The following NTNG1 variants were observed in gnomAD, a reference collection of about 807,000 sequenced individuals.
NTNG1 encodes the protein netrin G1, also known as netrin-G1.
A neutral mutation model predicts 54.0 loss-of-function variants in NTNG1; 16 were observed. The observed-to-expected ratio is 0.30, with a 90% confidence interval of 0.20 to 0.45. The LOEUF (loss-of-function observed/expected upper bound fraction) is 0.45. Among genes scored for constraint, NTNG1 ranks in the 20% least tolerant of loss-of-function variants. The pLI is 1.00. For missense variants in NTNG1, 530 were observed against 678.7 expected (o/e 0.78, Z 2.43); for synonymous variants, 255 against 263.1 (o/e 0.97, Z 0.30).
At chr1:107,292,471 A>G (rs1396633298) in intron 2 of NTNG1, among the ~76,000 whole-genome samples, 2 of 152,174 alleles carry the variant, frequency 1.3e-5, no homozygotes, top group Non-Finnish European at 2.9e-5. Flanking sequence ...CGTGATGGTC[A>G]GGCAGTTGTT....
chr1:107,448,804 A>G lies in NTNG1; in HGVS notation c.1390+12005A>G, dbSNP rs539938266. 2.0e-5 allele frequency among the ~76,000 whole-genome samples: 3 copies of G among 152,246 alleles called. No homozygotes were observed. In the South Asian group the frequency reaches 6.2e-4, roughly 32 times the overall value. The stretch of plus-strand genomic sequence containing the variant: ...TTCTACGAATCCAAATCATATTAAA[A>G]TAAGAAAAACCATGAAAACTTAAAC... On this transcript the variant is annotated intron_variant, in intron 7 of 7. Coordinates refer to ENST00000370068, the MANE Select transcript of NTNG1 (RefSeq NM_001113226.3).
At chr1:107,433,377 C>G (rs1557996121) in intron 6 of NTNG1, among the ~76,000 whole-genome samples, 1 of 152,064 alleles carries the variant, frequency 6.6e-6, no homozygotes, top group Non-Finnish European at 1.5e-5. Context: ...AACCACATCT[C>G]TACTGAAAGA....
At chr1:107,436,832 T>G in intron 7 of NTNG1, 33 bp downstream of exon 7, 1 of 1,607,450 alleles carries the variant, frequency 6.2e-7, no homozygotes, top group African/African-American at 1.3e-5. Context: ...CTCTGCCTGC[T>G]GCAGCATGGC....
intron 3 of NTNG1, among the ~76,000 whole-genome samples, chr1:107,360,409 T>C (rs1415910087): frequency 6.6e-6 from 1 of 151,728 alleles, no homozygotes; most frequent in Non-Finnish European, 1.5e-5. Context: ...AAACAGTGAG[T>C]GTAAAGACCC....
intron 2 of NTNG1, among the ~76,000 whole-genome samples, chr1:107,283,980 T>C (rs1358711962): frequency 6.6e-6 from 1 of 152,222 alleles, no homozygotes; most frequent in Admixed American, 6.5e-5. Flanking sequence ...AAATGCTGTC[T>C]CTTCAGAATA....
intron 3 of NTNG1, among the ~76,000 whole-genome samples, chr1:107,327,607 G>A (rs1328950349): frequency 4.7e-5 from 7 of 150,206 alleles, no homozygotes; most frequent in Non-Finnish European, 8.9e-5. Context: ...CCTTGCACCC[G>A]CCCCCACCAT....
At chr1:107,295,096 A>G (rs565182786) in intron 2 of NTNG1, among the ~76,000 whole-genome samples, 2 of 152,332 alleles carry the variant, frequency 1.3e-5, no homozygotes, top group Non-Finnish European at 2.9e-5. Context: ...TTCTGATATC[A>G]GAAGGTGGTT....
chr1:107,248,089 C>A (rs1662319325), intron 2 of NTNG1, among the ~76,000 whole-genome samples: 2 of 152,102 alleles, frequency 1.3e-5, no homozygotes, highest in South Asian at 4.2e-4. Context: ...TGCCAACATG[C>A]CATTCTATTT....
chr1:107,464,750 TTC>T (rs1677496922), intron 7 of NTNG1, among the ~76,000 whole-genome samples: 1 of 152,198 alleles, frequency 6.6e-6, no homozygotes, highest in Admixed American at 6.5e-5. Flanking sequence ...AGAATCTGCC[TTC>T]CACCCTCCTG....
At chr1:107,382,764 CCTCT>C (rs138605469) in intron 3 of NTNG1, among the ~76,000 whole-genome samples, 23 of 149,198 alleles carry the variant, frequency 1.5e-4, no homozygotes, top group South Asian at 8.5e-4. Context: ...TTTCCCTTTT[CCTCT>C]CTCTCTCTCT....
intron 3 of NTNG1, among the ~76,000 whole-genome samples, chr1:107,346,795 A>G (rs2101943718): frequency 6.7e-6 from 1 of 149,338 alleles, no homozygotes; most frequent in East Asian, 2.0e-4. Context: ...TTGTATATGC[A>G]TTTGTGAAGA....
chr1:107,302,565 A>T (rs538951545), intron 2 of NTNG1, among the ~76,000 whole-genome samples: 8 of 151,838 alleles, frequency 5.3e-5, no homozygotes, highest in Non-Finnish European at 7.4e-5. Context: ...AAAGATGTAC[A>T]TTTTTTTTCA....
At position 107,165,342 on chromosome 1, in the gene NTNG1, A is replaced by T. The variant is rs543270297; in HGVS notation, c.246+16503A>T. Reference sequence around the variant, plus strand: ...CACTATATCTAACAGCGTTTAAGACATGCAACTTTATTATTAAAATTCCTA... The same window carrying T: ...CACTATATCTAACAGCGTTTAAGACTTGCAACTTTATTATTAAAATTCCTA... On this transcript the variant is annotated intron_variant, in intron 2 of 7. Transcript: ENST00000370068. Among the ~76,000 whole-genome samples the T allele has an allele frequency of 9.2e-5, 14 of 152,340 alleles. No individual in the cohort carries two copies. In the East Asian group the frequency reaches 9.6e-4, roughly 10 times the overall value.
intron 4 of NTNG1, among the ~76,000 whole-genome samples, chr1:107,406,900 T>G (rs1557973120): frequency 6.6e-6 from 1 of 152,160 alleles, no homozygotes; most frequent in African/African-American, 2.4e-5. Context: ...GCCTGGCTTC[T>G]GAGCCCAGAC....
chr1:107,376,391 G>C (rs1671251418), intron 3 of NTNG1, among the ~76,000 whole-genome samples: 1 of 148,734 alleles, frequency 6.7e-6, no homozygotes, highest in South Asian at 2.1e-4. Flanking sequence ...CTGGGTGACA[G>C]AGTGAGACTC....
At chr1:107,293,582 G>C (rs931849897) in intron 2 of NTNG1, among the ~76,000 whole-genome samples, 8 of 152,144 alleles carry the variant, frequency 5.3e-5, no homozygotes, top group Admixed American at 4.6e-4. Context: ...TAAGAAAAGA[G>C]ACTGTTCCTG....
At chr1:107,271,923 G>A (rs1664170154) in intron 2 of NTNG1, among the ~76,000 whole-genome samples, 1 of 152,148 alleles carries the variant, frequency 6.6e-6, no homozygotes, top group Non-Finnish European at 1.5e-5. Context: ...GGGGAGGTAA[G>A]ACCTTGTTCT....
chr1:107,276,160 CT>C (rs1664460076), intron 2 of NTNG1, among the ~76,000 whole-genome samples: 1 of 152,192 alleles, frequency 6.6e-6, no homozygotes, highest in Non-Finnish European at 1.5e-5. Flanking sequence ...TGCCTTACAG[CT>C]TCTGTTCTGA....
intron 5 of NTNG1, among the ~76,000 whole-genome samples, chr1:107,417,675 C>T (rs1674310177): frequency 6.6e-6 from 1 of 152,032 alleles, no homozygotes. Context: ...CCTTATGGAC[C>T]TGGGTGGTAC....
Sources: allele counts gnomAD v4.1 joint callset (sites outside exome capture counted in the v4.1 genomes callset), GRCh38; gene constraint gnomAD v4.1.1; transcripts MANE v1.5; gene names NCBI Gene and HGNC (gene_info 2026-07-23, HGNC 2026-07-21).